SBF2: variants seen among roughly 807,000 people sequenced by gnomAD.
SBF2 encodes the protein myotubularin-related protein 13.
SBF2 carries 112 observed loss-of-function variants against 225.2 expected under a neutral mutation model. The observed-to-expected ratio is 0.50, with a 90% CI of 0.43 to 0.58. SBF2 has a LOEUF of 0.58. SBF2 is among the 20% of genes least tolerant of loss of function. The probability of loss-of-function intolerance (pLI) is 0.00; values close to 1 mark genes in which losing one functional copy is unlikely to be tolerated. For missense variants in SBF2, 1,996 were observed against 2,206.2 expected, an observed-to-expected ratio of 0.90 and a Z score of 1.91; for synonymous variants, 763 against 773.3, an observed-to-expected ratio of 0.99 and a Z score of 0.22.
intron 2 of SBF2, among the ~76,000 whole-genome samples, chr11:10,094,488 C>G (rs907620494): frequency 5.7e-5 from 8 of 141,530 alleles, no homozygotes; most frequent in African/African-American, 2.1e-4. Flanking sequence ...TGACTACATA[C>G]AGTCAAAAAA....
At chr11:9,828,289 G>T in intron 28 of SBF2, 1 of 1,263,554 alleles carries the variant, frequency 7.9e-7, no homozygotes, top group Non-Finnish European at 1.0e-6. Context: ...ATGACAAAAA[G>T]TTATCTTCAG....
intron 34 of SBF2, among the ~76,000 whole-genome samples, chr11:9,789,891 T>G (rs1299062834): frequency 6.6e-6 from 1 of 152,134 alleles, no homozygotes; most frequent in Non-Finnish European, 1.5e-5. Flanking sequence ...CCAGACAGAG[T>G]ATGGTTTAGA....
intron 33 of SBF2, among the ~76,000 whole-genome samples, chr11:9,791,421 C>CAA (rs11343948): frequency 4.6e-4 from 58 of 125,424 alleles, no homozygotes; most frequent in African/African-American, 9.3e-4. Context: ...ACCAGTTTAT[C>CAA]AAAAAAAAAA....
At chr11:9,916,127 T>G (rs1174504797) in intron 16 of SBF2, among the ~76,000 whole-genome samples, 2 of 152,162 alleles carry the variant, frequency 1.3e-5, no homozygotes, top group African/African-American at 2.4e-5. Context: ...TGAGCTATCA[T>G]AATGTTGCCT....
At chr11:9,954,961 C>A (rs757237498) in intron 16 of SBF2, among the ~76,000 whole-genome samples, 1 of 151,932 alleles carries the variant, frequency 6.6e-6, no homozygotes, top group Admixed American at 6.6e-5. Context: ...CTTCTAGAGA[C>A]CTTAATCTGT....
At chr11:9,869,881 A>C (rs1260705833) in intron 17 of SBF2, among the ~76,000 whole-genome samples, 2 of 152,196 alleles carry the variant, frequency 1.3e-5, no homozygotes, top group Non-Finnish European at 2.9e-5. Context: ...AGAAATAAAG[A>C]GTATTCAAAT....
intron 1 of SBF2, among the ~76,000 whole-genome samples, chr11:10,228,004 T>C (rs1396929283): frequency 1.2e-4 from 18 of 151,432 alleles, no homozygotes; most frequent in African/African-American, 4.4e-4. Context: ...CCTTGAGCAG[T>C]GGTTTGTAGT....
At chr11:9,914,188 C>T (rs1006072653) in intron 16 of SBF2, among the ~76,000 whole-genome samples, 4 of 152,110 alleles carry the variant, frequency 2.6e-5, no homozygotes, top group Non-Finnish European at 5.9e-5. Flanking sequence ...ATGCTAGGGG[C>T]TCCACTGGAT....
At chr11:9,891,992 T>A (rs1034937240) in intron 17 of SBF2, among the ~76,000 whole-genome samples, 1 of 152,218 alleles carries the variant, frequency 6.6e-6, no homozygotes, top group African/African-American at 2.4e-5. Flanking sequence ...ATGGATTAAT[T>A]AAAAATAATT....
At chr11:9,863,936 T>C (rs1479606417) in intron 17 of SBF2, among the ~76,000 whole-genome samples, 1 of 152,226 alleles carries the variant, frequency 6.6e-6, no homozygotes, top group Non-Finnish European at 1.5e-5. Flanking sequence ...GCAGGTTTTA[T>C]TCTATCCCTT....
rs186401330 is a variant in SBF2, at chr11:10,001,519, T to C, written c.753-497A>G. Among the ~76,000 whole-genome samples the C allele has an allele frequency of 3.4e-3, 523 of 152,038 alleles. 1 individual carries two copies. The highest frequency in any genetic ancestry group is 7.8e-3 in the Admixed American group (119 of 15,274). ...AAAAAGTTAAGAAAAGCACCTAAAT[T>C]AAAAATAAATTTTTTTTTTTTTTGA... On this transcript the variant is annotated intron_variant, in intron 7 of 39. Coordinates refer to ENST00000256190, the MANE Select transcript of SBF2 (RefSeq NM_030962.4).
intron 1 of SBF2, among the ~76,000 whole-genome samples, chr11:10,205,079 T>C (rs1957706901): frequency 6.6e-6 from 1 of 151,776 alleles, no homozygotes; most frequent in African/African-American, 2.4e-5. Flanking sequence ...AATATGTAGG[T>C]GACGGGATGA....
intron 16 of SBF2, among the ~76,000 whole-genome samples, chr11:9,909,206 C>T (rs1403450934): frequency 6.6e-6 from 1 of 152,106 alleles, no homozygotes; most frequent in Non-Finnish European, 1.5e-5. Flanking sequence ...TATGAAATCA[C>T]TTCTCAAATG....
intron 6 of SBF2, among the ~76,000 whole-genome samples, chr11:10,017,797 A>G (rs1444253986): frequency 6.6e-6 from 1 of 152,176 alleles, no homozygotes; most frequent in Non-Finnish European, 1.5e-5. Context: ...TAAGAAGTCA[A>G]TTACCAAACA....
intron 16 of SBF2, among the ~76,000 whole-genome samples, chr11:9,898,788 G>A (rs1400746444): frequency 6.6e-6 from 1 of 152,166 alleles, no homozygotes; most frequent in Admixed American, 6.5e-5. Flanking sequence ...CCTATATTAT[G>A]CTAAAAATAA....
chr11:10,287,513 C>T (rs1963878001), intron 1 of SBF2, among the ~76,000 whole-genome samples: 1 of 152,038 alleles, frequency 6.6e-6, no homozygotes, highest in Non-Finnish European at 1.5e-5. Context: ...TGGTCTAAAG[C>T]AATCCTCCAG....
intron 3 of SBF2, among the ~76,000 whole-genome samples, chr11:10,035,704 T>C (rs893613138): frequency 1.3e-5 from 2 of 151,922 alleles, no homozygotes; most frequent in African/African-American, 2.4e-5. Flanking sequence ...CAAATCAAAA[T>C]CACAATGAGA....
intron 6 of SBF2, among the ~76,000 whole-genome samples, chr11:10,007,055 G>C (rs1302428495): frequency 6.6e-6 from 1 of 152,070 alleles, no homozygotes; most frequent in Non-Finnish European, 1.5e-5. Flanking sequence ...CAGAGATGAA[G>C]GCAAGGTTAA....
chr11:10,196,866 A>ATATATATATTTTTTTTT, intron 1 of SBF2, among the ~76,000 whole-genome samples: 2 of 99,308 alleles, frequency 2.0e-5, no homozygotes, highest in African/African-American at 4.0e-5. Context: ...ATATATATAT[A>ATATATATATTTTTTTTT]TTTTTTTTTT....
Sources: allele counts gnomAD v4.1 joint callset (sites outside exome capture counted in the v4.1 genomes callset), GRCh38; gene constraint gnomAD v4.1.1; transcripts MANE v1.5; gene names NCBI Gene and HGNC (gene_info 2026-07-23, HGNC 2026-07-21).